The following VOPP1 variants were observed in gnomAD, a reference collection of about 807,000 sequenced individuals.
The protein encoded by VOPP1 is VOPP1 WW domain binding protein, also known as WW domain binding protein VOPP1.
In VOPP1, 8 loss-of-function variants were observed where a neutral mutation model predicts 23.5. The observed-to-expected ratio is 0.34, with a 90% CI of 0.20 to 0.61. The LOEUF (loss-of-function observed/expected upper bound fraction) is 0.61. VOPP1 is among the 20% of genes least tolerant of loss of function. The probability of loss-of-function intolerance (pLI) is 0.78; values close to 1 mark genes in which losing one functional copy is unlikely to be tolerated. For synonymous variants in VOPP1, 83 were observed against 97.3 expected, an observed-to-expected ratio of 0.85 and a Z score of 0.86; for missense variants, 174 against 238.1, an observed-to-expected ratio of 0.73 and a Z score of 1.77.
intron 4 of VOPP1, among the ~76,000 whole-genome samples, chr7:55,475,953 G>A (rs984356288): frequency 3.9e-5 from 6 of 152,178 alleles, no homozygotes; most frequent in African/African-American, 1.4e-4. Flanking sequence ...GCAGCACCAG[G>A]ACTTGAACCC....
At chr7:55,464,793 G>A (rs2129004501) in intron 4 of VOPP1, among the ~76,000 whole-genome samples, 1 of 152,318 alleles carries the variant, frequency 6.6e-6, no homozygotes, top group East Asian at 1.9e-4. Flanking sequence ...TCAAAATAAT[G>A]CCATGCTGCA....
intron 2 of VOPP1, among the ~76,000 whole-genome samples, chr7:55,509,840 GATTT>G (rs1794960099): frequency 6.6e-6 from 1 of 152,148 alleles, no homozygotes; most frequent in Non-Finnish European, 1.5e-5. Flanking sequence ...AGAAACCTCT[GATTT>G]ATTTGACTCC....
rs552293233 is a variant in VOPP1, at chr7:55,502,250, G to A, written c.114-4560C>T. Among the ~76,000 whole-genome samples, 20 of 152,270 alleles carry A rather than the reference G, an allele frequency of 1.3e-4. 1 individual carries two copies. In the South Asian group the frequency reaches 2.9e-3, roughly 22 times the overall value. ...CACCCCTCAGCCTGAGAACATACCC[G>A]TCCTAGAATATTTGGAGTATAACGG... On this transcript the variant is annotated intron_variant, in intron 2 of 4. Transcript: ENST00000285279.
chr7:55,459,275 T>C (rs1002627631), intron 4 of VOPP1, among the ~76,000 whole-genome samples: 1 of 152,200 alleles, frequency 6.6e-6, no homozygotes, highest in African/African-American at 2.4e-5. Context: ...TTCAGCTTGC[T>C]AGCATTTTGT....
At chr7:55,477,762 G>A (rs941312995) in intron 4 of VOPP1, among the ~76,000 whole-genome samples, 3 of 152,202 alleles carry the variant, frequency 2.0e-5, no homozygotes, top group East Asian at 1.9e-4. Context: ...AAAAGAGAAC[G>A]GATAGAAAAT....
chr7:55,567,540 T>C (rs1798203257), intron 1 of VOPP1, among the ~76,000 whole-genome samples: 1 of 152,196 alleles, frequency 6.6e-6, no homozygotes, highest in Admixed American at 6.5e-5. Flanking sequence ...CCTTGCCATG[T>C]ATTTCTAAGT....
intron 2 of VOPP1, among the ~76,000 whole-genome samples, chr7:55,516,920 A>ATTTTTTTTTTTTTTTTTTTTTTTT (rs1795457297): frequency 2.9e-5 from 1 of 34,352 alleles, no homozygotes; most frequent in African/African-American, 1.5e-4. Context: ...ATATATATAT[A>ATTTTTTTTTTTTTTTTTTTTTTTT]TATATATATA....
chr7:55,501,628 T>C (rs1217699356), intron 2 of VOPP1, among the ~76,000 whole-genome samples: 2 of 152,202 alleles, frequency 1.3e-5, no homozygotes. Flanking sequence ...CTACTATATA[T>C]TGTCCTCAAG....
At chr7:55,495,900 C>T (rs1355081357) in intron 3 of VOPP1, among the ~76,000 whole-genome samples, 1 of 152,252 alleles carries the variant, frequency 6.6e-6, no homozygotes, top group Non-Finnish European at 1.5e-5. Flanking sequence ...GCACTCAGAT[C>T]TTCCAACAGC....
intron 4 of VOPP1, among the ~76,000 whole-genome samples, chr7:55,446,162 T>G (rs996750802): frequency 6.6e-6 from 1 of 152,024 alleles, no homozygotes; most frequent in African/African-American, 2.4e-5. Flanking sequence ...CCAGATAATT[T>G]TTTTGTATTT....
At chr7:55,476,557 G>C (rs1176110740) in intron 4 of VOPP1, among the ~76,000 whole-genome samples, 1 of 152,138 alleles carries the variant, frequency 6.6e-6, no homozygotes, top group African/African-American at 2.4e-5. Context: ...GCCCAGGAGG[G>C]ACAGAGGCCA....
chr7:55,570,479 G>A (rs781283522), intron 1 of VOPP1, among the ~76,000 whole-genome samples: 2 of 152,174 alleles, frequency 1.3e-5, no homozygotes, highest in Non-Finnish European at 2.9e-5. Context: ...CTCCTATTAA[G>A]AGGATACATT....
intron 4 of VOPP1, among the ~76,000 whole-genome samples, chr7:55,443,011 C>T (rs1419296068): frequency 2.0e-5 from 3 of 151,502 alleles, no homozygotes; most frequent in Non-Finnish European, 4.4e-5. Flanking sequence ...CCCAGCTACT[C>T]AGGAGGCTGA....
intron 4 of VOPP1, among the ~76,000 whole-genome samples, chr7:55,479,365 C>T (rs1449680001): frequency 7.4e-6 from 1 of 134,702 alleles, no homozygotes; most frequent in Non-Finnish European, 1.5e-5. Flanking sequence ...TCCATGTGTT[C>T]CAGAGAACAT....
intron 1 of VOPP1, chr7:55,553,814 C>T (rs1428464231): frequency 1.3e-5 from 2 of 153,402 alleles, no homozygotes; most frequent in African/African-American, 2.4e-5. Flanking sequence ...CACTCACCCT[C>T]TTCCTAGGCC....
chr7:55,556,801 C>T (rs1364297858), intron 1 of VOPP1, among the ~76,000 whole-genome samples: 1 of 152,180 alleles, frequency 6.6e-6, no homozygotes, highest in Non-Finnish European at 1.5e-5. Flanking sequence ...GCCTCCCGCC[C>T]TCTGAATTAA....
chr7:55,521,341 G>T (rs1795840525), intron 1 of VOPP1, among the ~76,000 whole-genome samples: 1 of 152,032 alleles, frequency 6.6e-6, no homozygotes, highest in Non-Finnish European at 1.5e-5. Context: ...TTTTTTCATA[G>T]CCTTTCATAT....
rs534326650 is a variant in VOPP1 at position 55,536,158 on chromosome 7, A to G, written c.55-15028T>C. 2.3e-4 allele frequency among the ~76,000 whole-genome samples: 35 copies of G among 152,296 alleles called. 1 individual carries two copies. The highest frequency in any genetic ancestry group is 1.0e-3 in the Admixed American group (16 of 15,300). On this transcript the variant is annotated intron_variant, in intron 1 of 4. Coordinates refer to ENST00000285279, the MANE Select transcript of VOPP1 (RefSeq NM_030796.5). The stretch of plus-strand genomic sequence containing the variant: ...ATCCACTTCCTTCTCTGCCTGCTCA[A>G]AAGTTGTACTTGGATTTGACTATAC...
At chr7:55,561,748 CAAAA>C in intron 1 of VOPP1, 37 of 300,184 alleles carry the variant, frequency 1.2e-4, no homozygotes, top group East Asian at 1.6e-4. Flanking sequence ...TCCCCTCTTC[CAAAA>C]AAAAAAAAAA....
Sources: allele counts gnomAD v4.1 joint callset (sites outside exome capture counted in the v4.1 genomes callset), GRCh38; gene constraint gnomAD v4.1.1; transcripts MANE v1.5; gene names NCBI Gene and HGNC (gene_info 2026-07-23, HGNC 2026-07-21).